Variants in PRPF18 observed in about 807,000 individuals in gnomAD.
PRPF18 encodes the protein pre-mRNA processing factor 18.
Under a neutral mutation model 46.5 loss-of-function variants are expected in PRPF18, and 38 were observed. The observed-to-expected ratio is 0.82, with a 90% CI of 0.63 to 1.07. The LOEUF is 1.07. PRPF18 is among the 50% of genes least tolerant of loss of function. PRPF18 has a pLI of 0.00. For synonymous variants in PRPF18, 152 were observed against 146.7 expected (o/e 1.04, Z -0.26); for missense variants, 263 against 410.0 (o/e 0.64, Z 3.10).
the PRPF18 span, among the ~76,000 whole-genome samples, chr10:13,648,457 T>C: frequency 1.3e-5 from 2 of 152,152 alleles, no homozygotes; most frequent in Non-Finnish European, 2.9e-5. Flanking sequence ...GTGGTCCTGG[T>C]GGTGCTCTCC....
At chr10:13,653,179 T>G in the PRPF18 span, 1 of 151,984 alleles carries the variant, frequency 6.6e-6, no homozygotes, top group African/African-American at 2.4e-5. Context: ...TTGCCAAAAA[T>G]GAAGGCTCCA....
At chr10:13,623,831 C>T (rs1468713021) in intron 9 of PRPF18, among the ~76,000 whole-genome samples, 1 of 152,150 alleles carries the variant, frequency 6.6e-6, no homozygotes, top group Non-Finnish European at 1.5e-5. Flanking sequence ...TATCCTATAT[C>T]ATGCTATGAT....
At chr10:13,620,049 A>T (rs1327055038) in intron 9 of PRPF18, among the ~76,000 whole-genome samples, 1 of 152,100 alleles carries the variant, frequency 6.6e-6, no homozygotes, top group African/African-American at 2.4e-5. Flanking sequence ...TAAGCTGTCT[A>T]AAGAATGTTC....
intron 8 of PRPF18, among the ~76,000 whole-genome samples, chr10:13,615,882 T>C (rs2080332194): frequency 1.3e-5 from 2 of 152,198 alleles, no homozygotes; most frequent in Admixed American, 1.3e-4. Context: ...TTTACACATC[T>C]GTTAAAGACC....
chr10:13,588,557 G>C (rs995458040), intron 1 of PRPF18, among the ~76,000 whole-genome samples: 15 of 148,302 alleles, frequency 1.0e-4, no homozygotes, highest in Non-Finnish European at 1.8e-4. Flanking sequence ...GCCTGGGTGA[G>C]AGACCGAGTC....
At chr10:13,622,013 A>G (rs1564462010) in intron 9 of PRPF18, among the ~76,000 whole-genome samples, 1 of 152,036 alleles carries the variant, frequency 6.6e-6, no homozygotes, top group Non-Finnish European at 1.5e-5. Flanking sequence ...CATGACTGCA[A>G]TAAGTGATCA....
chr10:13,651,009 T>C, the PRPF18 span: 1 of 152,270 alleles, frequency 6.6e-6, no homozygotes, highest in Admixed American at 6.5e-5. Flanking sequence ...TATCTTCTGA[T>C]AGGCAATTTG....
intron 9 of PRPF18, among the ~76,000 whole-genome samples, chr10:13,626,957 C>T (rs1264465257): frequency 6.6e-6 from 1 of 152,176 alleles, no homozygotes; most frequent in Non-Finnish European, 1.5e-5. Flanking sequence ...CACCACCTTC[C>T]TTGCTGCCAC....
chr10:13,618,388 G>A (rs997586252), intron 9 of PRPF18, among the ~76,000 whole-genome samples: 2 of 152,070 alleles, frequency 1.3e-5, no homozygotes, highest in African/African-American at 4.8e-5. Context: ...AACACTTCGA[G>A]TGGCTGTGGC....
chr10:13,613,588 C>T (rs771057438), intron 6 of PRPF18, among the ~76,000 whole-genome samples, 153 bp from the exon 7 acceptor site: 26 of 152,204 alleles, frequency 1.7e-4, no homozygotes, highest in Non-Finnish European at 2.8e-4. Context: ...GACCAATAAG[C>T]AGAACTAGCT....
intron 2 of PRPF18, among the ~76,000 whole-genome samples, chr10:13,599,998 G>T (rs2080083321): frequency 6.6e-6 from 1 of 152,184 alleles, no homozygotes; most frequent in Admixed American, 6.5e-5. Flanking sequence ...TGGTAGTCGT[G>T]TCACTCTTTT....
chr10:13,591,604 G>C, intron 1 of PRPF18: 3 of 656,112 alleles, frequency 4.6e-6, no homozygotes, highest in Non-Finnish European at 8.4e-6. Flanking sequence ...CTGTAATCTT[G>C]TATTTATCTT....
Position 13,630,376 on chromosome 10 carries a change from T to G in PRPF18, c.*36T>G. 1 of 1,519,498 alleles carries G rather than the reference T, an allele frequency of 6.6e-7. No individual in the cohort carries two copies. Among genetic ancestry groups the G allele is most frequent in the South Asian group, 1.2e-5 (1 of 85,866 alleles). 94.1% of individuals were successfully genotyped at this position (1,519,498 alleles called of 1,614,324 possible). On this transcript the variant is annotated 3_prime_UTR_variant, in exon 10 of 10. Coordinates refer to ENST00000378572, the MANE Select transcript of PRPF18 (RefSeq NM_003675.4). The stretch of plus-strand genomic sequence containing the variant: ...TGGTGTGTTAATAACAATAAGAAAC[T>G]TAGGGAAGCAGGCTGTGGACTTCTG...
chr10:13,590,035 C>T (rs1269503957), intron 1 of PRPF18, among the ~76,000 whole-genome samples: 7 of 151,884 alleles, frequency 4.6e-5, no homozygotes, highest in African/African-American at 1.5e-4. Context: ...ACAAAATATT[C>T]AGCCCACCCT....
intron 9 of PRPF18, among the ~76,000 whole-genome samples, chr10:13,617,834 T>C (rs1400123761): frequency 1.3e-5 from 2 of 152,194 alleles, no homozygotes; most frequent in African/African-American, 4.8e-5. Flanking sequence ...AACTGTTCTC[T>C]TCCCATTAAA....
chr10:13,618,615 C>CAAAA (rs68069523), intron 9 of PRPF18, among the ~76,000 whole-genome samples: 22 of 39,974 alleles, frequency 5.5e-4, no homozygotes, highest in Non-Finnish European at 8.3e-4. Context: ...AAGACCCTGT[C>CAAAA]AAAAAAAAAA....
the PRPF18 span, chr10:13,648,809 AACAC>A: frequency 6.6e-6 from 1 of 152,356 alleles, no homozygotes; most frequent in East Asian, 1.9e-4. Context: ...TTTTGTTTCT[AACAC>A]AAACATGATC....
At position 13,630,507 on chromosome 10, in the gene PRPF18, T is replaced by A; in HGVS notation, c.*167T>A. On this transcript the variant is annotated 3_prime_UTR_variant, in exon 10 of 10. Transcript: ENST00000378572. ...TTTAAGAACTTTGTTGGCCTTCATT[T>A]CATATCTGACTGCAAGCTGATTTTT... is the stretch of plus-strand genomic sequence containing the variant. 2.3e-6 allele frequency: 1 copy of A among 436,160 alleles called. No homozygotes were observed. Among genetic ancestry groups the A allele is most frequent in the Non-Finnish European group, 4.1e-6 (1 of 245,752 alleles). 27.0% of individuals were successfully genotyped at this position (436,160 alleles called of 1,614,324 possible).
intron 9 of PRPF18, among the ~76,000 whole-genome samples, chr10:13,623,371 GTTAAC>G (rs1162889907): frequency 1.3e-5 from 2 of 152,250 alleles, no homozygotes; most frequent in East Asian, 3.9e-4. Flanking sequence ...GTTAGGATTC[GTTAAC>G]TTAAGTATTG....
Sources: allele counts gnomAD v4.1 joint callset (sites outside exome capture counted in the v4.1 genomes callset), GRCh38; gene constraint gnomAD v4.1.1; transcripts MANE v1.5; gene names NCBI Gene and HGNC (gene_info 2026-07-23, HGNC 2026-07-21).